The following ADAMTS9 variants were observed in gnomAD, a reference collection of about 807,000 sequenced individuals.
ADAMTS9 encodes ADAM metallopeptidase with thrombospondin type 1 motif 9.
In ADAMTS9, 107 loss-of-function variants were observed where a neutral mutation model predicts 257.1. That is an observed-to-expected ratio of 0.42 (90% CI 0.36 to 0.49). The LOEUF is 0.49. Among genes scored for constraint, ADAMTS9 ranks in the 20% least tolerant of loss-of-function variants. The pLI is 0.03. For missense variants in ADAMTS9, 2,353 were observed against 2,469.1 expected, an observed-to-expected ratio of 0.95 and a Z score of 1.00; for synonymous variants, 982 against 880.9, an observed-to-expected ratio of 1.11 and a Z score of -2.03.
At chr3:64,613,177 G>A (rs1481462427) in intron 22 of ADAMTS9, among the ~76,000 whole-genome samples, 168 bp downstream of exon 22, 1 of 152,148 alleles carries the variant, frequency 6.6e-6, no homozygotes, top group Non-Finnish European at 1.5e-5. Flanking sequence ...CTTGGAAGGG[G>A]GGCAAAATGG....
chr3:64,663,767 C>T (rs1701281359), intron 3 of ADAMTS9, among the ~76,000 whole-genome samples: 1 of 152,064 alleles, frequency 6.6e-6, no homozygotes, highest in Non-Finnish European at 1.5e-5. Flanking sequence ...ATTATTTCTT[C>T]AGGATCAAAA....
rs539790518 is a variant in ADAMTS9, at chr3:64,576,964, G to A, written c.4357-8429C>T. ...ACCCCAACGCCCCCAGGAATATGGG[G>A]GACAGGGCGCTCCAGTTCCCCAACC... On this transcript the variant is annotated intron_variant, in intron 28 of 39. Transcript: ENST00000498707. 2.0e-5 allele frequency among the ~76,000 whole-genome samples: 3 copies of A among 152,250 alleles called. No homozygotes were observed. In the South Asian group the frequency reaches 6.2e-4, roughly 32 times the overall value.
At chr3:64,664,568 GTTTTCAA>G (rs2106991657) in intron 3 of ADAMTS9, among the ~76,000 whole-genome samples, 1 of 152,228 alleles carries the variant, frequency 6.6e-6, no homozygotes, top group South Asian at 2.1e-4. Flanking sequence ...TTAGTACAAT[GTTTTCAA>G]GGTTCGTCTA....
chr3:64,650,886 C>A, intron 9 of ADAMTS9, 131 bp downstream of exon 9: 3 of 556,488 alleles, frequency 5.4e-6, no homozygotes, highest in Non-Finnish European at 5.2e-6. Context: ...TTTTTTTTTG[C>A]CTTCTCCAAG....
rs567307225 is a variant in ADAMTS9, at chr3:64,631,569, A to T, written c.2294-19T>A. On this transcript the variant is annotated intron_variant, in intron 15 of 39. Transcript: ENST00000498707. ...TTGTAACCTGAAAAGAATTTAGCAG[A>T]AATTCAGTACTCCACAGAATGGTTC... 1.3e-6 allele frequency: 2 copies of T among 1,591,046 alleles called. No individual in the cohort carries two copies. The highest frequency in any genetic ancestry group is 1.7e-6 in the Non-Finnish European group (2 of 1,158,990).
intron 28 of ADAMTS9, 184 bp from the exon 29 acceptor site, chr3:64,568,719 A>G (rs1479813115): frequency 7.9e-6 from 5 of 632,516 alleles, no homozygotes; most frequent in Non-Finnish European, 1.3e-5. Context: ...GAAAAAAAAA[A>G]TGTCCACAGC....
chr3:64,622,517 A>T lies in ADAMTS9; in HGVS notation c.2459T>A (p.Ile820Asn). The part of the protein sequence containing the change: ...NFVVTMAKRE[I>N]RIGNAVVEYS... ...CTCTACCACAGCATTCCCAATGCGA[A>T]TTTCCCTTTTGGCCATTGTGACAAC... is the stretch of plus-strand genomic sequence containing the variant. Residue 820 changes from isoleucine to asparagine, a missense_variant, in exon 17 of 40, where the codon ATT (isoleucine) becomes AAT (asparagine). This residue lies in a region of ADAMTS9 where 1,402 missense variants were observed against 1,441.4 expected (regional missense o/e 0.97). Transcript: ENST00000498707. 1 of 1,614,106 alleles carries T rather than the reference A, an allele frequency of 6.2e-7. No homozygotes were observed. Among genetic ancestry groups the T allele is most frequent in the Non-Finnish European group, 8.5e-7 (1 of 1,179,980 alleles).
At chr3:64,606,333 A>T (rs957117671) in intron 23 of ADAMTS9, among the ~76,000 whole-genome samples, 2 of 152,122 alleles carry the variant, frequency 1.3e-5, no homozygotes, top group African/African-American at 4.8e-5. Context: ...TGTGGTGTAA[A>T]TACTCTCATC....
At chr3:64,658,934 C>G (rs1559815661) in intron 3 of ADAMTS9, 143 bp from the exon 4 acceptor site, 1 of 816,556 alleles carries the variant, frequency 1.2e-6, no homozygotes, top group African/African-American at 1.7e-5. Flanking sequence ...ACAGATGCAC[C>G]TCAATCCGTA....
chr3:64,574,559 CAA>C (rs34194727), intron 28 of ADAMTS9, among the ~76,000 whole-genome samples: 4 of 80,738 alleles, frequency 5.0e-5, no homozygotes, highest in Non-Finnish European at 5.6e-5. Context: ...CCCATCTCTA[CAA>C]AAAAAAAAAA....
chr3:64,564,031 G>A (rs1390864957), intron 29 of ADAMTS9, among the ~76,000 whole-genome samples: 1 of 152,226 alleles, frequency 6.6e-6, no homozygotes, highest in Non-Finnish European at 1.5e-5. Flanking sequence ...CCCGGAGGCA[G>A]TGATGGTGGT....
intron 29 of ADAMTS9, among the ~76,000 whole-genome samples, chr3:64,568,123 T>C (rs1364854732): frequency 6.6e-6 from 1 of 152,122 alleles, no homozygotes; most frequent in Non-Finnish European, 1.5e-5. Flanking sequence ...GATCCCTATT[T>C]CCACTTAGAA....
intron 19 of ADAMTS9, among the ~76,000 whole-genome samples, chr3:64,620,804 T>A (rs192388820): frequency 5.9e-5 from 9 of 152,290 alleles, no homozygotes; most frequent in Admixed American, 1.3e-4. Flanking sequence ...CAAAACAAGT[T>A]TTCACGTACA....
chr3:64,536,708 T>C (rs1044035859), intron 37 of ADAMTS9, among the ~76,000 whole-genome samples: 6 of 152,210 alleles, frequency 3.9e-5, no homozygotes, highest in Admixed American at 1.3e-4. Context: ...ACTGTGGTGA[T>C]TTAAATGCTA....
chr3:64,570,029 A>G (rs1437309982), intron 28 of ADAMTS9, among the ~76,000 whole-genome samples: 1 of 152,224 alleles, frequency 6.6e-6, no homozygotes, highest in Non-Finnish European at 1.5e-5. Context: ...AAGTATGCTG[A>G]TGACTTGCAC....
At chr3:64,565,964 A>G (rs2083535378) in intron 29 of ADAMTS9, among the ~76,000 whole-genome samples, 1 of 152,226 alleles carries the variant, frequency 6.6e-6, no homozygotes, top group African/African-American at 2.4e-5. Context: ...GAGAAACTGT[A>G]AAGATTAGCA....
At chr3:64,683,418 T>A (rs1701808011) in intron 2 of ADAMTS9, among the ~76,000 whole-genome samples, 1 of 152,216 alleles carries the variant, frequency 6.6e-6, no homozygotes. Context: ...GTCTCTGGTC[T>A]ATGGTTAAGC....
intron 3 of ADAMTS9, among the ~76,000 whole-genome samples, chr3:64,671,890 C>T (rs1187935308): frequency 2.6e-5 from 4 of 152,152 alleles, no homozygotes; most frequent in Non-Finnish European, 5.9e-5. Context: ...TTTTATGATA[C>T]AATTATCATA....
chr3:64,590,289 A>T (rs2084237011), intron 28 of ADAMTS9, among the ~76,000 whole-genome samples: 1 of 152,162 alleles, frequency 6.6e-6, no homozygotes, highest in Non-Finnish European at 1.5e-5. Context: ...CTCAGATTTG[A>T]GGGAGGGGTT....
Sources: allele counts gnomAD v4.1 joint callset (sites outside exome capture counted in the v4.1 genomes callset), GRCh38; gene constraint gnomAD v4.1.1; regional missense constraint gnomAD v4.1.1; transcripts MANE v1.5; gene names NCBI Gene and HGNC (gene_info 2026-07-23, HGNC 2026-07-21).